PDE9A: variants seen among roughly 807,000 people sequenced by gnomAD.
PDE9A encodes the protein high affinity cGMP-specific 3',5'-cyclic phosphodiesterase 9A.
Under a neutral mutation model 87.4 loss-of-function variants are expected in PDE9A, and 60 were observed. The ratio of observed to expected loss-of-function variants is 0.69; its 90% confidence interval spans 0.56 to 0.85. The LOEUF (loss-of-function observed/expected upper bound fraction) is 0.85, where lower values mean the gene tolerates loss of function less well. PDE9A is among the 40% of genes least tolerant of loss of function. The probability of loss-of-function intolerance (pLI) is 0.00; values close to 1 mark genes in which losing one functional copy is unlikely to be tolerated. For missense variants in PDE9A, 665 were observed against 779.0 expected (o/e 0.85, Z 1.74); for synonymous variants, 272 against 279.4 (o/e 0.97, Z 0.27).
At chr21:42,771,784 A>G (rs2057045551) in intron 18 of PDE9A, among the ~76,000 whole-genome samples, 1 of 152,262 alleles carries the variant, frequency 6.6e-6, no homozygotes, top group African/African-American at 2.4e-5. Flanking sequence ...TGCCAGGCAC[A>G]TGGTAGGCGC....
intron 15 of PDE9A, among the ~76,000 whole-genome samples, chr21:42,767,819 G>A (rs1031121905): frequency 6.6e-6 from 1 of 152,214 alleles, no homozygotes; most frequent in Non-Finnish European, 1.5e-5. Flanking sequence ...TCCTCCTGAA[G>A]CTCCTATGGC....
intron 18 of PDE9A, 63 bp from the exon 19 acceptor site, chr21:42,772,376 G>T: frequency 1.8e-6 from 2 of 1,081,868 alleles, no homozygotes. Flanking sequence ...TGCTGGGAGA[G>T]AGGCAGACAC....
At chr21:42,768,564 A>G (rs2056618480) in intron 16 of PDE9A, 1 of 985,296 alleles carries the variant, frequency 1.0e-6, no homozygotes, top group South Asian at 4.7e-5. Context: ...CAGCCTTGTC[A>G]AACAAATTGC....
chr21:42,733,423 G>A lies in PDE9A; in HGVS notation c.565G>A (p.Glu189Lys). ...NHLAVLEKRV[E>K]LEGLKVVEIE... is the part of the protein sequence containing the mutation. ...CTTGGCTGTCCTAGAGAAACGCGTG[G>A]AATGTGAGTGACGTTTCTGTTTCCT... Residue 189 changes from glutamate (E) to lysine (K), a missense_variant, in exon 7 of 20, where the codon GAA (glutamate) becomes AAA (lysine). By Grantham distance (56) the Glu-to-Lys change is moderately conservative (BLOSUM62 1). Transcript: ENST00000291539. 1 of 1,579,206 alleles carries A rather than the reference G, an allele frequency of 6.3e-7. No homozygotes were observed. Among genetic ancestry groups the A allele is most frequent in the Non-Finnish European group, 8.7e-7 (1 of 1,148,108 alleles).
chr21:42,767,887 T>C (rs913492084), intron 15 of PDE9A, among the ~76,000 whole-genome samples: 1 of 152,126 alleles, frequency 6.6e-6, no homozygotes, highest in Non-Finnish European at 1.5e-5. Flanking sequence ...AGATGAGCAA[T>C]GCACCCACCT....
At chr21:42,738,232 C>T (rs975150780) in intron 7 of PDE9A, among the ~76,000 whole-genome samples, 2 of 152,250 alleles carry the variant, frequency 1.3e-5, no homozygotes, top group African/African-American at 4.8e-5. Context: ...AAGTTTAACA[C>T]AGGCCATACA....
intron 1 of PDE9A, among the ~76,000 whole-genome samples, chr21:42,661,826 C>T (rs1036260830): frequency 3.3e-5 from 5 of 152,190 alleles, no homozygotes; most frequent in Non-Finnish European, 5.9e-5. Context: ...GTGTGCATGT[C>T]TGTGGTGTAG....
chr21:42,673,122 G>A (rs1449889122), intron 1 of PDE9A, among the ~76,000 whole-genome samples: 2 of 152,204 alleles, frequency 1.3e-5, no homozygotes, highest in African/African-American at 2.4e-5. Flanking sequence ...TCCTGTGGGC[G>A]AGGTAGGATT....
At chr21:42,769,232 C>A in intron 17 of PDE9A, 77 bp downstream of exon 17, 2 of 1,313,704 alleles carry the variant, frequency 1.5e-6, no homozygotes, top group Non-Finnish European at 2.2e-6. Context: ...CACACATATA[C>A]ACATATGCAC....
chr21:42,685,422 G>A (rs1212986741), intron 1 of PDE9A, among the ~76,000 whole-genome samples: 1 of 150,712 alleles, frequency 6.6e-6, no homozygotes, highest in Non-Finnish European at 1.5e-5. Flanking sequence ...CTTCGACTTC[G>A]TCATTCAGCC....
At chr21:42,670,322 ACATT>A (rs879674097) in intron 1 of PDE9A, among the ~76,000 whole-genome samples, 22,393 of 112,982 alleles carry the variant, frequency 0.2, 3,069 homozygotes, top group African/African-American at 0.44. Flanking sequence ...CACCACACTC[ACATT>A]CACACACATT....
At position 42,699,017 on chromosome 21, in the gene PDE9A, GCCC is replaced by G; in HGVS notation, c.262+7_262+9del. The G allele has an allele frequency of 6.2e-7, 1 of 1,603,554 alleles. No individual in the cohort carries two copies. Among genetic ancestry groups the G allele is most frequent in the South Asian group, 1.1e-5 (1 of 90,818 alleles). Reference sequence around the variant, plus strand: ...GGCCATCAAGCAACTCTCCGGTAAGGCCCTGCTGTCGTTTTTTAAACTAAAAGA... The same window carrying G: ...GGCCATCAAGCAACTCTCCGGTAAGGTGCTGTCGTTTTTTAAACTAAAAGA... On this transcript the variant is annotated splice_region_variant and intron_variant, in intron 4 of 19. Coordinates refer to ENST00000291539, the MANE Select transcript of PDE9A (RefSeq NM_002606.3).
chr21:42,765,553 T>C (rs1569272319), intron 15 of PDE9A, 59 bp downstream of exon 15: 5 of 866,062 alleles, frequency 5.8e-6, no homozygotes, highest in Non-Finnish European at 5.9e-6. Context: ...AAGCAGGTCA[T>C]CCATCCAGCT....
chr21:42,706,959 C>T (rs1003557194), intron 4 of PDE9A, among the ~76,000 whole-genome samples: 14 of 152,270 alleles, frequency 9.2e-5, no homozygotes, highest in Admixed American at 7.2e-4. Context: ...GATGACGTTC[C>T]GTTGCGTGGC....
chr21:42,734,232 A>G (rs1238369240), intron 7 of PDE9A: 1 of 152,252 alleles, frequency 6.6e-6, no homozygotes, highest in African/African-American at 2.4e-5. Flanking sequence ...ACCAAAGGAA[A>G]AGCAGAAAAA....
At chr21:42,698,800 A>G (rs1279914274) in intron 3 of PDE9A, 168 bp from the exon 4 acceptor site, 1 of 482,458 alleles carries the variant, frequency 2.1e-6, no homozygotes, top group East Asian at 3.2e-5. Flanking sequence ...AATTCATCTG[A>G]GTAAGGAAGC....
chr21:42,686,623 T>C (rs1255228553), intron 2 of PDE9A, among the ~76,000 whole-genome samples: 1 of 152,128 alleles, frequency 6.6e-6, no homozygotes, highest in African/African-American at 2.4e-5. Flanking sequence ...GAGACCAGCC[T>C]GGCCAACATG....
chr21:42,758,752 G>T (rs2055347281), intron 10 of PDE9A: 1 of 455,912 alleles, frequency 2.2e-6, no homozygotes, highest in Non-Finnish European at 4.0e-6. Flanking sequence ...GGATCCACCT[G>T]CCAGGAGACC....
chr21:42,670,380 TCA>T (rs2058426030), intron 1 of PDE9A, among the ~76,000 whole-genome samples: 2 of 83,620 alleles, frequency 2.4e-5, no homozygotes, highest in African/African-American at 1.6e-4. Flanking sequence ...TCACACACAT[TCA>T]CATTTACATT....
Sources: gnomAD v4.1 joint callset for allele counts (sites outside exome capture counted in the v4.1 genomes callset) on GRCh38, gnomAD v4.1.1 for gene constraint, MANE v1.5 for transcripts, NCBI Gene and HGNC (gene_info 2026-07-23, HGNC 2026-07-21) for gene names.